Variants in LRP1B observed in about 807,000 individuals in gnomAD.
LRP1B encodes low-density lipoprotein receptor-related protein 1B.
In LRP1B, 217 loss-of-function variants were observed where a neutral mutation model predicts 556.6. The observed-to-expected ratio is 0.39, with a 90% CI of 0.35 to 0.44. The LOEUF is 0.44. Ranked by LOEUF, LRP1B falls within the 20% of genes least tolerant of loss-of-function variation. The pLI is 1.00. For synonymous variants in LRP1B, 2,047 were observed against 1,865.8 expected, an observed-to-expected ratio of 1.10 and a Z score of -2.50; for missense variants, 5,053 against 5,620.8, an observed-to-expected ratio of 0.90 and a Z score of 3.23.
At chr2:141,953,708 G>C (rs1235597809) in intron 1 of LRP1B, among the ~76,000 whole-genome samples, 3 of 151,914 alleles carry the variant, frequency 2.0e-5, no homozygotes, top group Admixed American at 6.6e-5. Flanking sequence ...AATTTCTTTT[G>C]GAGTTCCTAC....
intron 1 of LRP1B, among the ~76,000 whole-genome samples, chr2:142,082,588 A>G (rs1367364209): frequency 6.6e-6 from 1 of 152,186 alleles, no homozygotes; most frequent in Non-Finnish European, 1.5e-5. Flanking sequence ...GAACAATTGT[A>G]TCCTTGGAGT....
At chr2:140,354,757 A>G (rs1235253151) in intron 75 of LRP1B, among the ~76,000 whole-genome samples, 6 of 152,030 alleles carry the variant, frequency 3.9e-5, no homozygotes, top group Admixed American at 1.3e-4. Context: ...ACACATGCCT[A>G]GTACCCAAAA....
At chr2:140,357,507 C>T (rs913340727) in intron 74 of LRP1B, among the ~76,000 whole-genome samples, 7 of 151,084 alleles carry the variant, frequency 4.6e-5, no homozygotes, top group African/African-American at 1.5e-4. Flanking sequence ...ACAAACTATT[C>T]GCAATCAGCA....
At chr2:141,858,106 G>T (rs1003508261) in intron 1 of LRP1B, among the ~76,000 whole-genome samples, 2 of 151,874 alleles carry the variant, frequency 1.3e-5, no homozygotes, top group Non-Finnish European at 2.9e-5. Flanking sequence ...TCATTTCAGG[G>T]TACCTTGTAT....
At chr2:141,597,596 T>C (rs1221879381) in intron 2 of LRP1B, among the ~76,000 whole-genome samples, 2 of 152,112 alleles carry the variant, frequency 1.3e-5, no homozygotes, top group Non-Finnish European at 2.9e-5. Flanking sequence ...TGTTCTTATA[T>C]TGGAAGGTCC....
intron 31 of LRP1B, among the ~76,000 whole-genome samples, chr2:140,828,942 G>T (rs1691620843): frequency 6.6e-6 from 1 of 151,812 alleles, no homozygotes; most frequent in African/African-American, 2.4e-5. Flanking sequence ...GAAGAAGATA[G>T]CCCATGTAAA....
chr2:142,120,134 G>T (rs1707408174), intron 1 of LRP1B, among the ~76,000 whole-genome samples: 1 of 143,516 alleles, frequency 7.0e-6, no homozygotes, highest in African/African-American at 2.6e-5. Context: ...TTTGTTTTTT[G>T]AGACAGAGTC....
At chr2:141,269,853 C>A (rs1028180173) in intron 3 of LRP1B, among the ~76,000 whole-genome samples, 2 of 152,030 alleles carry the variant, frequency 1.3e-5, no homozygotes. Context: ...GACTTCAAAT[C>A]AGCTATTATA....
intron 1 of LRP1B, among the ~76,000 whole-genome samples, chr2:141,923,948 T>A (rs1221233018): frequency 6.6e-6 from 1 of 151,920 alleles, no homozygotes; most frequent in Non-Finnish European, 1.5e-5. Flanking sequence ...AAGCTTGTGA[T>A]TACCTAGTCA....
intron 7 of LRP1B, among the ~76,000 whole-genome samples, chr2:141,176,590 C>A (rs1435917470): frequency 1.3e-5 from 2 of 152,050 alleles, no homozygotes; most frequent in East Asian, 1.9e-4. Flanking sequence ...AACCTCTTTT[C>A]TTCATAAATT....
At chr2:140,645,981 A>G (rs1448332264) in intron 41 of LRP1B, among the ~76,000 whole-genome samples, 1 of 152,052 alleles carries the variant, frequency 6.6e-6, no homozygotes, top group Non-Finnish European at 1.5e-5. Context: ...ACCTTATTGT[A>G]TACTATTTAT....
chr2:140,553,254 A>G lies in LRP1B; in HGVS notation c.7195-11283T>C, dbSNP rs567831290. On this transcript the variant is annotated intron_variant, in intron 43 of 90. Coordinates refer to ENST00000389484, the MANE Select transcript of LRP1B (RefSeq NM_018557.3). ...ATCAGTAACTTAAAACCAAAAAACT[A>G]AAATAAAATATTTAATATAAAATAG... 6.8e-4 allele frequency among the ~76,000 whole-genome samples: 104 copies of G among 152,128 alleles called. 2 individuals carry two copies. The highest frequency in any genetic ancestry group is 2.1e-3 in the African/African-American group (87 of 41,550).
intron 1 of LRP1B, among the ~76,000 whole-genome samples, chr2:141,881,608 A>G (rs1698959396): frequency 6.6e-6 from 1 of 152,098 alleles, no homozygotes; most frequent in Admixed American, 6.6e-5. Flanking sequence ...AAAAACCAAG[A>G]GTGAGGTAAA....
intron 3 of LRP1B, among the ~76,000 whole-genome samples, chr2:141,466,348 C>T (rs1682200498): frequency 6.6e-6 from 1 of 152,190 alleles, no homozygotes; most frequent in African/African-American, 2.4e-5. Context: ...AGTAGGACTA[C>T]AGCAGCTACC....
intron 3 of LRP1B, among the ~76,000 whole-genome samples, chr2:141,319,946 G>C (rs1688559647): frequency 6.6e-6 from 1 of 152,032 alleles, no homozygotes; most frequent in South Asian, 2.1e-4. Context: ...TTCTGATATA[G>C]AGCAGTGCTT....
rs561951036 is a variant in LRP1B, at chr2:142,072,000, G to T, written c.82+58648C>A. On this transcript the variant is annotated intron_variant, in intron 1 of 90. Transcript: ENST00000389484. ...GCTCAATCACCCAACCAGATATCTG[G>T]ACATCTTTGATTCTTTCCTCTCCCT... Among the ~76,000 whole-genome samples the T allele has an allele frequency of 2.0e-5, 3 of 151,946 alleles. No individual in the cohort carries two copies. In the South Asian group the frequency reaches 6.2e-4, roughly 32 times the overall value.
chr2:141,143,635 G>A (rs1043192475), intron 7 of LRP1B, among the ~76,000 whole-genome samples: 3 of 152,064 alleles, frequency 2.0e-5, no homozygotes, highest in Non-Finnish European at 4.4e-5. Context: ...CAAGTGTCCT[G>A]AGGTTTGGTG....
chr2:140,247,205 C>A (rs1681203819), intron 86 of LRP1B, 43 bp from the exon 87 acceptor site: 1 of 1,411,602 alleles, frequency 7.1e-7, no homozygotes, highest in Middle Eastern at 1.8e-4. Flanking sequence ...CAGCGAATAA[C>A]AAAGCCCAGA....
At chr2:140,260,319 T>A (rs538544851) in intron 86 of LRP1B, among the ~76,000 whole-genome samples, 7 of 152,052 alleles carry the variant, frequency 4.6e-5, no homozygotes, top group African/African-American at 1.7e-4. Context: ...CAAATAATTT[T>A]AAAATGTTGT....
Sources: gnomAD v4.1 joint callset for allele counts (sites outside exome capture counted in the v4.1 genomes callset) on GRCh38, gnomAD v4.1.1 for gene constraint, MANE v1.5 for transcripts, NCBI Gene and HGNC (gene_info 2026-07-23, HGNC 2026-07-21) for gene names.